Variants in TENM2 observed in about 807,000 individuals in gnomAD.
The protein encoded by TENM2 is teneurin transmembrane protein 2, also known as teneurin-2.
TENM2 carries 52 observed loss-of-function variants against 245.2 expected under a neutral mutation model. The observed-to-expected ratio is 0.21, with a 90% CI of 0.17 to 0.27. The LOEUF is 0.27. Ranked by LOEUF, TENM2 falls within the 10% of genes least tolerant of loss-of-function variation. The pLI, the probability that TENM2 is intolerant of heterozygous loss-of-function variation, is 1.00. For synonymous variants in TENM2, 1,363 were observed against 1,438.9 expected (o/e 0.95, Z 1.19); for missense variants, 3,046 against 3,666.8 (o/e 0.83, Z 4.37).
At chr5:168,040,559 A>G (rs886359969) in intron 5 of TENM2, among the ~76,000 whole-genome samples, 1 of 152,188 alleles carries the variant, frequency 6.6e-6, no homozygotes, top group Admixed American at 6.5e-5. Flanking sequence ...ACTGTCTGGG[A>G]AAAATAGGAG....
intron 5 of TENM2, among the ~76,000 whole-genome samples, chr5:168,037,700 G>C (rs1261768210): frequency 6.6e-6 from 1 of 152,128 alleles, no homozygotes; most frequent in East Asian, 1.9e-4. Flanking sequence ...ACAGACACCA[G>C]AATTCTCTGT....
At chr5:167,492,423 G>A (rs759003741) in intron 2 of TENM2, among the ~76,000 whole-genome samples, 1 of 152,090 alleles carries the variant, frequency 6.6e-6, no homozygotes, top group Non-Finnish European at 1.5e-5. Context: ...ATAAGATAAT[G>A]CATGCGATGG....
At chr5:167,713,630 A>G (rs1454791811) in intron 2 of TENM2, among the ~76,000 whole-genome samples, 4 of 152,212 alleles carry the variant, frequency 2.6e-5, no homozygotes, top group African/African-American at 9.6e-5. Context: ...ATGCTCACAT[A>G]CATGCGCACA....
At chr5:168,033,173 T>C (rs1787288206) in intron 5 of TENM2, 1 of 152,224 alleles carries the variant, frequency 6.6e-6, no homozygotes, top group South Asian at 2.1e-4. Flanking sequence ...TAAGTCTTTG[T>C]CCACAAGTCA....
chr5:166,999,389 A>G, the TENM2 span, among the ~76,000 whole-genome samples: 1 of 152,190 alleles, frequency 6.6e-6, no homozygotes, highest in Non-Finnish European at 1.5e-5. Context: ...GGGGACAAAT[A>G]CCAGAACCAC....
At chr5:167,622,288 G>A (rs959883293) in intron 2 of TENM2, among the ~76,000 whole-genome samples, 1 of 152,112 alleles carries the variant, frequency 6.6e-6, no homozygotes, top group Non-Finnish European at 1.5e-5. Context: ...TGAAATCCAA[G>A]AGCTGAGGAC....
chr5:167,521,226 G>A (rs1770735506), intron 2 of TENM2, among the ~76,000 whole-genome samples: 1 of 152,094 alleles, frequency 6.6e-6, no homozygotes, highest in Non-Finnish European at 1.5e-5. Flanking sequence ...AACTTTCAGT[G>A]TCTTAGATTA....
intron 5 of TENM2, among the ~76,000 whole-genome samples, chr5:168,035,361 G>C (rs1787567536): frequency 6.6e-6 from 1 of 152,170 alleles, no homozygotes; most frequent in Admixed American, 6.5e-5. Flanking sequence ...GCTAGACATG[G>C]TGATGCATGC....
chr5:167,303,907 G>T (rs1755509722), intron 1 of TENM2, among the ~76,000 whole-genome samples: 1 of 152,114 alleles, frequency 6.6e-6, no homozygotes, highest in Admixed American at 6.5e-5. Context: ...TTCAGGTGTA[G>T]AGTTGCTAGA....
At chr5:167,552,485 T>C (rs1350676252) in intron 2 of TENM2, among the ~76,000 whole-genome samples, 1 of 152,184 alleles carries the variant, frequency 6.6e-6, no homozygotes, top group Non-Finnish European at 1.5e-5. Flanking sequence ...TGAATGCCAC[T>C]GAGATTACTA....
the TENM2 span, among the ~76,000 whole-genome samples, chr5:167,143,385 T>C: frequency 2.0e-5 from 3 of 152,252 alleles, no homozygotes; most frequent in African/African-American, 7.2e-5. Context: ...TCTATGCTTT[T>C]ACCACCATTC....
chr5:167,380,484 A>G (rs1761032894), intron 2 of TENM2, among the ~76,000 whole-genome samples: 1 of 152,186 alleles, frequency 6.6e-6, no homozygotes, highest in Non-Finnish European at 1.5e-5. Flanking sequence ...GCCTTATTTC[A>G]GTACTGCACT....
intron 1 of TENM2, among the ~76,000 whole-genome samples, chr5:167,297,172 T>C (rs1160406931): frequency 6.6e-6 from 1 of 152,218 alleles, no homozygotes; most frequent in Non-Finnish European, 1.5e-5. Context: ...ACCTCATACT[T>C]AGCATAGTGA....
chr5:167,727,810 T>C (rs1222234715), intron 2 of TENM2, among the ~76,000 whole-genome samples: 1 of 152,218 alleles, frequency 6.6e-6, no homozygotes, highest in African/African-American at 2.4e-5. Context: ...ACACAGCTGT[T>C]AAGAATTCAA....
the TENM2 span, among the ~76,000 whole-genome samples, chr5:167,079,295 T>C: frequency 6.7e-6 from 1 of 148,464 alleles, no homozygotes; most frequent in Non-Finnish European, 1.5e-5. Context: ...ACGCATATTA[T>C]ATATATATAA....
At chr5:167,389,396 A>T (rs1761631481) in intron 2 of TENM2, among the ~76,000 whole-genome samples, 1 of 151,936 alleles carries the variant, frequency 6.6e-6, no homozygotes, top group South Asian at 2.1e-4. Context: ...AGTGAGAGGG[A>T]AATTAATAAT....
At chr5:167,573,840 C>T (rs1188247945) in intron 2 of TENM2, 1 of 107,834 alleles carries the variant, frequency 9.3e-6, no homozygotes, top group Non-Finnish European at 1.9e-5. Context: ...AAAGGGACAA[C>T]AAAAACTAAT....
chr5:167,346,313 T>C (rs1758454888), intron 1 of TENM2, among the ~76,000 whole-genome samples: 1 of 152,230 alleles, frequency 6.6e-6, no homozygotes, highest in Non-Finnish European at 1.5e-5. Context: ...CCAGAATTTT[T>C]TATCAGCATG....
chr5:167,883,044 A>C (rs190181704), intron 3 of TENM2, among the ~76,000 whole-genome samples: 2 of 152,290 alleles, frequency 1.3e-5, no homozygotes, highest in Admixed American at 6.5e-5. Context: ...ACATTGTCAA[A>C]ACTAAGGCCT....
Sources: allele counts gnomAD v4.1 joint callset (sites outside exome capture counted in the v4.1 genomes callset), GRCh38; gene constraint gnomAD v4.1.1; transcripts MANE v1.5; gene names NCBI Gene and HGNC (gene_info 2026-07-23, HGNC 2026-07-21).